Variants in WDR27 observed in about 807,000 individuals in gnomAD.
WDR27 encodes the protein WD repeat-containing protein 27.
A neutral mutation model predicts 114.4 loss-of-function variants in WDR27; 100 were observed. The observed-to-expected ratio is 0.87, with a 90% CI of 0.74 to 1.03. The LOEUF (loss-of-function observed/expected upper bound fraction) is 1.03. Ranked by LOEUF, WDR27 falls within the 50% of genes least tolerant of loss-of-function variation. The pLI is 0.00. For synonymous variants in WDR27, 449 were observed against 423.1 expected (o/e 1.06, Z -0.75); for missense variants, 1,129 against 1,092.9 (o/e 1.03, Z -0.47).
intron 22 of WDR27, 144 bp from the exon 23 acceptor site, chr6:169,602,465 A>C (rs1219617093): frequency 3.4e-6 from 2 of 580,614 alleles, no homozygotes; most frequent in Non-Finnish European, 3.1e-6. Flanking sequence ...GAATTATTAA[A>C]TGGTTAATGG....
At chr6:169,694,581 AAAAT>A (rs771238781) in intron 1 of WDR27, among the ~76,000 whole-genome samples, 1 of 152,268 alleles carries the variant, frequency 6.6e-6, no homozygotes, top group Non-Finnish European at 1.5e-5. Context: ...ATAACATTGA[AAAAT>A]AAGTTTACTT....
chr6:169,642,825 A>C (rs1423799258), intron 17 of WDR27, among the ~76,000 whole-genome samples: 2 of 152,130 alleles, frequency 1.3e-5, no homozygotes, highest in Non-Finnish European at 2.9e-5. Flanking sequence ...GCGTTTCCTA[A>C]TGACTGCCCT....
intron 1 of WDR27, among the ~76,000 whole-genome samples, chr6:169,695,246 C>T (rs1319961974): frequency 3.4e-4 from 52 of 152,216 alleles, no homozygotes; most frequent in Non-Finnish European, 1.2e-4. Context: ...GAGCTAGGAC[C>T]GATGGAAGCC....
At chr6:169,624,360 C>T (rs557464379) in intron 21 of WDR27, among the ~76,000 whole-genome samples, 7 of 152,168 alleles carry the variant, frequency 4.6e-5, no homozygotes, top group Non-Finnish European at 1.0e-4. Flanking sequence ...CAAAGAACAC[C>T]CACGAGAACC....
At chr6:169,700,993 GA>G (rs1787813793) in intron 1 of WDR27, among the ~76,000 whole-genome samples, 1 of 152,092 alleles carries the variant, frequency 6.6e-6, no homozygotes, top group Non-Finnish European at 1.5e-5. Context: ...AGCACTTCAG[GA>G]AAAGGCAGTG....
In WDR27 at chr6:169,643,211, A is replaced by G. The variant is rs554388656; in HGVS notation, c.1747+486T>C. Among the ~76,000 whole-genome samples, 6 of 152,350 alleles carry G rather than the reference A, an allele frequency of 3.9e-5. No individual in the cohort carries two copies. In the South Asian group the frequency reaches 1.2e-3, roughly 32 times the overall value. ...AAGAGCTGGCAGGTTTTATGGGATT[A>G]GAATTAGGAATCAAATATATGTCCC... On this transcript the variant is annotated intron_variant, in intron 17 of 25. Transcript: ENST00000448612.
At chr6:169,645,729 A>C (rs905245766) in intron 16 of WDR27, among the ~76,000 whole-genome samples, 2 of 147,486 alleles carry the variant, frequency 1.4e-5, no homozygotes, top group African/African-American at 2.5e-5. Context: ...CATATGAGTC[A>C]CACTGTAGAA....
chr6:169,582,809 C>T (rs1184539911), intron 24 of WDR27, 27 bp downstream of exon 24: 11 of 1,571,944 alleles, frequency 7.0e-6, no homozygotes, highest in African/African-American at 2.7e-5. Flanking sequence ...GCAGCAGAGG[C>T]GCCCCACCCA....
At chr6:169,481,679 C>T (rs1030214033) in intron 25 of WDR27, among the ~76,000 whole-genome samples, 32 of 152,318 alleles carry the variant, frequency 2.1e-4, no homozygotes, top group African/African-American at 7.0e-4. Context: ...TGCAGCTTCA[C>T]TTCTGAAGCC....
At chr6:169,616,436 C>T (rs1811843035) in intron 21 of WDR27, among the ~76,000 whole-genome samples, 1 of 152,000 alleles carries the variant, frequency 6.6e-6, no homozygotes, top group African/African-American at 2.4e-5. Context: ...TGCAGTGAGC[C>T]AAGACTGCGC....
At chr6:169,463,668 T>G (rs547367403) in intron 25 of WDR27, among the ~76,000 whole-genome samples, 1 of 152,328 alleles carries the variant, frequency 6.6e-6, no homozygotes, top group Non-Finnish European at 1.5e-5. Context: ...AAAAGCCTGT[T>G]AGAATTAATA....
chr6:169,467,880 T>C (rs1015128596), intron 25 of WDR27, among the ~76,000 whole-genome samples: 2 of 152,276 alleles, frequency 1.3e-5, no homozygotes, highest in Non-Finnish European at 2.9e-5. Context: ...TCTGAACTTT[T>C]ATGCTCTGCT....
intron 25 of WDR27, among the ~76,000 whole-genome samples, chr6:169,528,990 A>G (rs1380470337): frequency 2.0e-5 from 3 of 152,218 alleles, no homozygotes; most frequent in Non-Finnish European, 4.4e-5. Context: ...AAAAGTATTA[A>G]GAGAAAATAC....
At chr6:169,688,546 A>C (rs2128298268) in intron 2 of WDR27, among the ~76,000 whole-genome samples, 1 of 152,176 alleles carries the variant, frequency 6.6e-6, no homozygotes, top group East Asian at 1.9e-4. Flanking sequence ...AGGAGACTTG[A>C]TTATGTTAAG....
rs773823986 is a variant in WDR27, at chr6:169,658,342, T to C, written c.1336A>G (p.Thr446Ala). ...SVPASSCVLP[T>A]SPLYLGIAKE... is the part of the protein sequence containing the mutation. Reference sequence around the variant, plus strand: ...GCAATTCCCAGATACAGTGGAGAGGTCGGTAGGACACAGGAGCTGAAACAG... The same window carrying C: ...GCAATTCCCAGATACAGTGGAGAGGCCGGTAGGACACAGGAGCTGAAACAG... The change falls in exon 13 of 26, where the codon ACC (threonine) becomes GCC (alanine). Residue 446 changes from threonine to alanine, a missense_variant. By Grantham distance (58) the Thr-to-Ala change is moderately conservative. Transcript: ENST00000448612. 4 of 1,599,080 alleles carry C rather than the reference T, an allele frequency of 2.5e-6. No individual in the cohort carries two copies. The African/African-American group carries it at 5.4e-5, about 21-fold the overall frequency.
chr6:169,542,765 T>C (rs535292259), intron 25 of WDR27, among the ~76,000 whole-genome samples: 5 of 142,090 alleles, frequency 3.5e-5, no homozygotes, highest in Non-Finnish European at 7.8e-5. Context: ...CTCAAGCAGT[T>C]TGGAAACTAA....
chr6:169,504,013 T>C (rs1791682586), intron 25 of WDR27, among the ~76,000 whole-genome samples: 2 of 151,850 alleles, frequency 1.3e-5, no homozygotes, highest in Middle Eastern at 3.4e-3. Context: ...ATGGGAGGAG[T>C]GTACTGATGT....
intron 21 of WDR27, among the ~76,000 whole-genome samples, chr6:169,630,698 A>T (rs1816109116): frequency 6.6e-6 from 1 of 152,196 alleles, no homozygotes; most frequent in Admixed American, 6.5e-5. Flanking sequence ...GTTCGAGACT[A>T]GCCCGGCCAA....
intron 25 of WDR27, among the ~76,000 whole-genome samples, chr6:169,474,678 TA>T (rs142063952): frequency 7.4e-5 from 11 of 149,476 alleles, no homozygotes; most frequent in East Asian, 5.9e-4. Context: ...GTTCTACAAT[TA>T]AAAAAAAACA....
Sources: allele counts gnomAD v4.1 joint callset (sites outside exome capture counted in the v4.1 genomes callset), GRCh38; gene constraint gnomAD v4.1.1; transcripts MANE v1.5; gene names NCBI Gene and HGNC (gene_info 2026-07-23, HGNC 2026-07-21).